The following NAV2 variants were observed in gnomAD, a reference collection of about 807,000 sequenced individuals.
NAV2 encodes the protein neuron navigator 2, also known as helicase, APC down-regulated 1.
NAV2 carries 54 observed loss-of-function variants against 223.2 expected under a neutral mutation model. The ratio of observed to expected loss-of-function variants is 0.24; its 90% CI spans 0.19 to 0.30. The LOEUF is 0.30. NAV2 is among the 10% of genes least tolerant of loss of function. The probability of loss-of-function intolerance (pLI) is 1.00; values close to 1 mark genes in which losing one functional copy is unlikely to be tolerated. For missense variants in NAV2, 2,806 were observed against 3,147.5 expected, an observed-to-expected ratio of 0.89 and a Z score of 2.60; for synonymous variants, 1,279 against 1,239.3, an observed-to-expected ratio of 1.03 and a Z score of -0.67.
chr11:19,874,884 C>T (rs2062743953), intron 4 of NAV2, among the ~76,000 whole-genome samples: 2 of 152,198 alleles, frequency 1.3e-5, no homozygotes, highest in Non-Finnish European at 2.9e-5. Flanking sequence ...AGACTGGGCA[C>T]AATGGCTCAC....
At chr11:19,414,151 A>G (rs1463949567) in intron 1 of NAV2, among the ~76,000 whole-genome samples, 1 of 152,198 alleles carries the variant, frequency 6.6e-6, no homozygotes, top group Non-Finnish European at 1.5e-5. Flanking sequence ...AGACCCATCT[A>G]TGTGCTGTAT....
chr11:19,575,727 T>A (rs1011938416), intron 1 of NAV2, among the ~76,000 whole-genome samples: 3 of 152,146 alleles, frequency 2.0e-5, no homozygotes, highest in African/African-American at 7.2e-5. Flanking sequence ...GAGTTCCAAC[T>A]AAAGTGGGAG....
intron 1 of NAV2, among the ~76,000 whole-genome samples, chr11:19,739,441 A>G (rs1470226260): frequency 5.9e-5 from 9 of 152,166 alleles, no homozygotes; most frequent in African/African-American, 2.2e-4. Context: ...ATGTAAACTC[A>G]GGTCTGTCCC....
intron 1 of NAV2, among the ~76,000 whole-genome samples, chr11:19,513,845 G>A (rs1275825597): frequency 2.0e-5 from 3 of 152,194 alleles, no homozygotes; most frequent in Non-Finnish European, 2.9e-5. Context: ...CAATGAAGAG[G>A]CAGAGATGGG....
chr11:20,103,929 C>G (rs928685629), intron 34 of NAV2, among the ~76,000 whole-genome samples: 1 of 152,188 alleles, frequency 6.6e-6, no homozygotes, highest in Non-Finnish European at 1.5e-5. Flanking sequence ...GAAACTAAGG[C>G]CCAGAGACTT....
intron 1 of NAV2, among the ~76,000 whole-genome samples, chr11:19,485,460 G>A (rs2042411503): frequency 6.6e-6 from 1 of 152,110 alleles, no homozygotes; most frequent in Admixed American, 6.5e-5. Context: ...CCAACACACA[G>A]GGCTTGACTG....
intron 1 of NAV2, among the ~76,000 whole-genome samples, chr11:19,397,418 T>TGTGTGTGTGTGTGTGTGCGC (rs57566081): frequency 0.01 from 1,499 of 145,282 alleles, 28 homozygotes; most frequent in African/African-American, 0.029. Flanking sequence ...TGTGTGTGTG[T>TGTGTGTGTGTGTGTGTGCGC]GCGCGCATGT....
At chr11:19,636,022 A>T (rs1383404597) in intron 1 of NAV2, among the ~76,000 whole-genome samples, 1 of 152,226 alleles carries the variant, frequency 6.6e-6, no homozygotes, top group African/African-American at 2.4e-5. Context: ...TCAATGGCTA[A>T]GTGACCATTA....
chr11:19,762,701 C>G (rs1043721716), intron 1 of NAV2, among the ~76,000 whole-genome samples: 1 of 151,484 alleles, frequency 6.6e-6, no homozygotes, highest in South Asian at 2.1e-4. Flanking sequence ...GCAGCCTCCA[C>G]CTCCTGGGTT....
chr11:20,052,452 A>T (rs2058073237), intron 17 of NAV2, among the ~76,000 whole-genome samples: 1 of 152,238 alleles, frequency 6.6e-6, no homozygotes, highest in East Asian at 1.9e-4. Flanking sequence ...AATCGTGCCT[A>T]TGAGCTGCTT....
At chr11:19,581,887 G>T (rs10741781) in intron 1 of NAV2, among the ~76,000 whole-genome samples, 6 of 152,098 alleles carry the variant, frequency 3.9e-5, no homozygotes, top group Admixed American at 2.0e-4. Context: ...CCCAGTAATG[G>T]GATGGCTGGG....
At chr11:19,762,611 C>CTTTTTTTTTTTTTTTTTTTTT (rs35264238) in intron 1 of NAV2, among the ~76,000 whole-genome samples, 1 of 109,542 alleles carries the variant, frequency 9.1e-6, no homozygotes. Flanking sequence ...GAGAAGTCTT[C>CTTTTTTTTTTTTTTTTTTTTT]TTTTTTTTTT....
Position 20,049,124 on chromosome 11 carries a change from C to A in NAV2, c.4299C>A (p.Ile1433=), listed in dbSNP as rs761773181. 3.7e-6 allele frequency: 6 copies of A among 1,614,026 alleles called. No homozygotes were observed. Among genetic ancestry groups the A allele is most frequent in the East Asian group, 2.2e-5 (1 of 44,866 alleles). Residue 1433 remains isoleucine (I), a synonymous_variant, in exon 15 of 38, where the codon ATC becomes ATA. Coordinates refer to ENST00000349880, the MANE Select transcript of NAV2 (RefSeq NM_145117.5). ...GCCACAATTCTTCCACTGGCCTCAT[C>A]GCCTCCTCCAAGGACGACTCCTTGA... The part of the protein sequence containing the change: ...VPSHNSSTGL[I]ASSKDDSLTP...
intron 1 of NAV2, among the ~76,000 whole-genome samples, chr11:19,411,471 T>C (rs1850142002): frequency 6.6e-6 from 1 of 152,206 alleles, no homozygotes; most frequent in Non-Finnish European, 1.5e-5. Context: ...GGCTGGAGTA[T>C]CTTTCTTCCA....
intron 1 of NAV2, among the ~76,000 whole-genome samples, chr11:19,459,559 C>G (rs1459822006): frequency 1.3e-5 from 2 of 152,178 alleles, no homozygotes; most frequent in African/African-American, 4.8e-5. Context: ...TCTCTATTAC[C>G]AGGAGAAGAG....
chr11:19,615,576 C>T (rs2135368030), intron 1 of NAV2, among the ~76,000 whole-genome samples: 1 of 152,100 alleles, frequency 6.6e-6, no homozygotes, highest in Non-Finnish European at 1.5e-5. Context: ...AAAACAGTGG[C>T]TAGGCGCTCA....
intron 1 of NAV2, among the ~76,000 whole-genome samples, chr11:19,362,097 G>C (rs1023823110): frequency 2.6e-5 from 4 of 152,150 alleles, no homozygotes; most frequent in African/African-American, 9.7e-5. Context: ...TGCAGGTGCA[G>C]GTATACACTG....
At chr11:19,549,656 G>T (rs1333121216) in intron 1 of NAV2, among the ~76,000 whole-genome samples, 1 of 152,216 alleles carries the variant, frequency 6.6e-6, no homozygotes, top group Non-Finnish European at 1.5e-5. Context: ...TGCCTGCCAG[G>T]GTGAGGGGGC....
intron 1 of NAV2, among the ~76,000 whole-genome samples, chr11:19,543,043 A>G (rs998496866): frequency 1.1e-4 from 16 of 152,200 alleles, no homozygotes; most frequent in Non-Finnish European, 2.2e-4. Context: ...GAGAAAGTTT[A>G]TTATCTTTTC....
Sources: gnomAD v4.1 joint callset for allele counts (sites outside exome capture counted in the v4.1 genomes callset) on GRCh38, gnomAD v4.1.1 for gene constraint, MANE v1.5 for transcripts, NCBI Gene and HGNC (gene_info 2026-07-23, HGNC 2026-07-21) for gene names.